Variants in PRSS53 observed in about 807,000 individuals in gnomAD.
PRSS53 encodes EDTP308.
A neutral mutation model predicts 62.7 loss-of-function variants in PRSS53; 54 were observed. That is an observed-to-expected ratio of 0.86 (90% CI 0.69 to 1.08). The LOEUF (loss-of-function observed/expected upper bound fraction) is 1.08. PRSS53 is among the 50% of genes least tolerant of loss of function. The pLI, the probability that PRSS53 is intolerant of heterozygous loss-of-function variation, is 0.00. For synonymous variants in PRSS53, 273 were observed against 300.0 expected, an observed-to-expected ratio of 0.91 and a Z score of 0.93; for missense variants, 688 against 728.3, an observed-to-expected ratio of 0.94 and a Z score of 0.64.
chr16:31,086,288 C>G (rs200037724), intron 5 of PRSS53, 49 bp downstream of exon 5: 12 of 1,585,680 alleles, frequency 7.6e-6, no homozygotes, highest in Admixed American at 1.7e-5. Flanking sequence ...AACCCCCAGC[C>G]CAGGGTTAGG....
At chr16:31,088,672 A>T in intron 1 of PRSS53, 80 bp downstream of exon 1, 1 of 1,601,258 alleles carries the variant, frequency 6.2e-7, no homozygotes, top group Non-Finnish European at 8.5e-7. Flanking sequence ...CCCCCCACCA[A>T]GAAGCAGGGA....
At chr16:31,088,263 T>TA in intron 1 of PRSS53, 3 of 1,130,000 alleles carry the variant, frequency 2.7e-6, no homozygotes, top group Non-Finnish European at 1.1e-6. Context: ...AATGGAGACT[T>TA]ACCTCACCCT....
Position 31,088,023 on chromosome 16 carries a change from GTAAT to G in PRSS53, c.59-201_59-198del. The G allele has an allele frequency of 4.8e-6, 7 of 1,470,450 alleles. No homozygotes were observed. In the South Asian group the frequency reaches 9.5e-5, roughly 20 times the overall value. The allele number at this position is 1,470,450 out of a possible 1,614,324, so 91.1% of individuals were successfully genotyped here. On this transcript the variant is annotated intron_variant, in intron 1 of 10. Coordinates refer to ENST00000280606, the Ensembl canonical transcript of PRSS53. ...GGAACCTATTCAGTGTGCACACTCAGTAATTAATTCTCCTTCAGCTGTGCTCAGC... is the reference window on the plus strand; with the variant it reads ...GGAACCTATTCAGTGTGCACACTCAGTAATTCTCCTTCAGCTGTGCTCAGC...
intron 3 of PRSS53, 151 bp downstream of exon 3, chr16:31,087,386 T>C: frequency 1.6e-6 from 1 of 639,970 alleles, no homozygotes; most frequent in Non-Finnish European, 2.8e-6. Flanking sequence ...TTGTTACAAT[T>C]AACTTGACAA....
chr16:31,084,439 A>T, intron 9 of PRSS53, 104 bp from the exon 10 acceptor site: 1 of 1,493,944 alleles, frequency 6.7e-7, no homozygotes, highest in South Asian at 1.3e-5. Flanking sequence ...ATTGGCAAAA[A>T]GGCTTAGTTT....
chr16:31,086,971 G>A lies in PRSS53; in HGVS notation c.243-73C>T, dbSNP rs563360364. The A allele has an allele frequency of 6.9e-6, 10 of 1,455,570 alleles. No individual in the cohort carries two copies. In the African/African-American group the frequency reaches 1.0e-4, roughly 15 times the overall value. The allele number at this position is 1,455,570 out of a possible 1,614,324, so 90.2% of individuals were successfully genotyped here. Reference sequence around the variant, plus strand: ...AGTGACACCATGGGAGACCCCACAGGTAGGTGGAAGATAGCAGAGAGCACT... The same window carrying A: ...AGTGACACCATGGGAGACCCCACAGATAGGTGGAAGATAGCAGAGAGCACT... On this transcript the variant is annotated intron_variant, in intron 3 of 10. Transcript: ENST00000280606.
intron 3 of PRSS53, chr16:31,087,325 C>T (rs1045273835): frequency 6.7e-6 from 4 of 596,160 alleles, no homozygotes; most frequent in Non-Finnish European, 1.2e-5. Flanking sequence ...CGAGGTCATT[C>T]CCTTGCAACC....
intron 1 of PRSS53, 55 bp downstream of exon 1, chr16:31,088,697 A>G (rs2057259592): frequency 6.2e-7 from 1 of 1,609,582 alleles, no homozygotes; most frequent in South Asian, 1.1e-5. Context: ...TGGGGCAGAG[A>G]TGGCCCCTGA....
At chr16:31,083,539 G>C in exon 11 of PRSS53, 1 of 1,419,702 alleles carries the variant, frequency 7.0e-7, no homozygotes, top group Non-Finnish European at 9.2e-7. Context: ...GTATCTGAAA[G>C]GGTAAAGGAG....
In PRSS53 at chr16:31,084,766, C is replaced by T; in HGVS notation, c.1279+14G>A. The T allele has an allele frequency of 6.4e-7, 1 of 1,571,580 alleles. No individual in the cohort carries two copies. Among genetic ancestry groups the T allele is most frequent in the Non-Finnish European group, 8.7e-7 (1 of 1,155,992 alleles). ...GGTTGGATGGACAGCAGCCCTGGCC[C>T]TGTGCCCACCTACCTGCTCCTGGGC... On this transcript the variant is annotated intron_variant, in intron 8 of 10. Transcript: ENST00000280606.
rs1048949537 is a variant in PRSS53, at chr16:31,085,960, G to C, written c.883+4C>G. On this transcript the variant is annotated splice_donor_region_variant and intron_variant, in intron 6 of 10. Transcript: ENST00000280606. ...TGCCCACTCCCAGCATGCCCCACTC[G>C]TACCTACACAGCTGTCCTCATCACT... 1.4e-5 allele frequency: 23 copies of C among 1,606,250 alleles called. No individual in the cohort carries two copies. The Admixed American group carries it at 3.8e-4, about 27-fold the overall frequency.
chr16:31,084,665 C>T (rs1392164191), exon 9 of PRSS53: 17 of 1,611,236 alleles, frequency 1.1e-5, no homozygotes, highest in Non-Finnish European at 1.4e-5. Context: ...GCCCTAGGCC[C>T]CAGGAGGGTC....
At chr16:31,083,907 G>A (rs1424892049) in intron 10 of PRSS53, 98 bp from the exon 11 acceptor site, 17 of 1,553,362 alleles carry the variant, frequency 1.1e-5, no homozygotes, top group South Asian at 5.8e-5. Context: ...TGTCTTGGCC[G>A]CCATGACAGA....
intron 3 of PRSS53, 178 bp from the exon 4 acceptor site, chr16:31,087,076 A>C (rs2057242675): frequency 1.6e-6 from 1 of 635,402 alleles, no homozygotes; most frequent in Admixed American, 3.5e-5. Context: ...GACTCACTAC[A>C]AGCCTTGACC....
At chr16:31,085,876 G>A (rs1031967193) in intron 6 of PRSS53, 88 bp downstream of exon 6, 15 of 1,225,688 alleles carry the variant, frequency 1.2e-5, no homozygotes, top group Admixed American at 1.8e-5. Context: ...TAGGCTCGGC[G>A]GTGTGGATGC....
At chr16:31,086,964 C>G (rs2057241755) in intron 3 of PRSS53, 66 bp from the exon 4 acceptor site, 2 of 1,478,152 alleles carry the variant, frequency 1.4e-6, no homozygotes, top group African/African-American at 2.8e-5. Flanking sequence ...CATGGGAGAC[C>G]CCACAGGTAG....
chr16:31,084,212 A>G (rs2143863440), exon 10 of PRSS53: 5 of 1,611,576 alleles, frequency 3.1e-6, no homozygotes, highest in Non-Finnish European at 4.2e-6. Flanking sequence ...CAGTCCTCAT[A>G]GGCAGGGAGC....
In PRSS53 at chr16:31,087,789, G is replaced by A. The variant is rs758037443; in HGVS notation, c.79+17C>T. 24 of 1,614,084 alleles carry A rather than the reference G, an allele frequency of 1.5e-5. No individual in the cohort carries two copies. In the East Asian group the frequency reaches 2.5e-4, roughly 16 times the overall value. ...CAGACCCAAGTAAGACCTAGGCCCC[G>A]TGTCCCCAGACCTTACCACGCTGAG... On this transcript the variant is annotated intron_variant, in intron 2 of 10. Transcript: ENST00000280606.
At chr16:31,086,091 C>T in exon 6 of PRSS53, 1 of 1,613,776 alleles carries the variant, frequency 6.2e-7, no homozygotes, top group Non-Finnish European at 8.5e-7. Flanking sequence ...CAGGAGCGTC[C>T]TCCTGGGCAC....
Sources: allele counts gnomAD v4.1 joint callset, GRCh38; gene constraint gnomAD v4.1.1; transcripts MANE v1.5; gene names NCBI Gene and HGNC (gene_info 2026-07-23, HGNC 2026-07-21).